Variants in UBE3C observed in about 807,000 individuals in gnomAD.
UBE3C encodes ubiquitin-protein ligase E3C.
Under a neutral mutation model 129.4 loss-of-function variants are expected in UBE3C, and 42 were observed. The ratio of observed to expected loss-of-function variants is 0.32; its 90% CI spans 0.25 to 0.42. UBE3C has a LOEUF of 0.42. Ranked by LOEUF, UBE3C falls within the 10% of genes least tolerant of loss-of-function variation. The pLI, the probability that UBE3C is intolerant of heterozygous loss-of-function variation, is 1.00. For synonymous variants in UBE3C, 510 were observed against 492.4 expected, an observed-to-expected ratio of 1.04 and a Z score of -0.47; for missense variants, 1,049 against 1,319.1, an observed-to-expected ratio of 0.80 and a Z score of 3.17.
intron 17 of UBE3C, among the ~76,000 whole-genome samples, chr7:157,229,567 T>C (rs1371847727): frequency 3.3e-5 from 5 of 152,212 alleles, no homozygotes; most frequent in Non-Finnish European, 7.3e-5. Flanking sequence ...CCCACCTGCC[T>C]TGGCCTCCCA....
At chr7:157,249,656 G>A (rs1796572435) in intron 19 of UBE3C, among the ~76,000 whole-genome samples, 1 of 152,112 alleles carries the variant, frequency 6.6e-6, no homozygotes, top group Non-Finnish European at 1.5e-5. Flanking sequence ...GTAGTTGCAT[G>A]GATCAGGACT....
chr7:157,224,136 A>G (rs911873496), intron 16 of UBE3C, among the ~76,000 whole-genome samples: 2 of 152,046 alleles, frequency 1.3e-5, no homozygotes, highest in Non-Finnish European at 2.9e-5. Flanking sequence ...GACCTGCTAA[A>G]GTGCTGGGAT....
intron 18 of UBE3C, among the ~76,000 whole-genome samples, chr7:157,234,483 G>T (rs913654051): frequency 2.4e-4 from 37 of 152,228 alleles, no homozygotes; most frequent in Admixed American, 6.5e-5. Context: ...GGGGTGTGTG[G>T]ATTTATTAAT....
At chr7:157,145,649 A>G (rs769921324) in intron 1 of UBE3C, among the ~76,000 whole-genome samples, 5 of 152,218 alleles carry the variant, frequency 3.3e-5, no homozygotes, top group Non-Finnish European at 7.3e-5. Context: ...TTGGAATCAT[A>G]TACTATGTAA....
At chr7:157,145,625 A>C (rs1189587963) in intron 1 of UBE3C, among the ~76,000 whole-genome samples, 1 of 152,240 alleles carries the variant, frequency 6.6e-6, no homozygotes, top group Non-Finnish European at 1.5e-5. Context: ...AGCCTTTTCC[A>C]GAATGTCATA....
At chr7:157,140,476 G>T (rs929533207) in intron 1 of UBE3C, among the ~76,000 whole-genome samples, 1 of 152,222 alleles carries the variant, frequency 6.6e-6, no homozygotes, top group Non-Finnish European at 1.5e-5. Flanking sequence ...GTACTGTGCA[G>T]TTAAGGGTGG....
intron 10 of UBE3C, among the ~76,000 whole-genome samples, chr7:157,195,715 T>C (rs1009723959): frequency 1.3e-5 from 2 of 152,126 alleles, no homozygotes; most frequent in African/African-American, 2.4e-5. Context: ...ATGGCTTTAG[T>C]GTGAGATTTG....
intron 1 of UBE3C, among the ~76,000 whole-genome samples, chr7:157,152,420 A>C (rs778330047): frequency 1.3e-5 from 2 of 152,206 alleles, no homozygotes; most frequent in Admixed American, 1.3e-4. Flanking sequence ...CAGGGAAATC[A>C]AGGGAGAAGC....
intron 1 of UBE3C, among the ~76,000 whole-genome samples, chr7:157,154,263 T>C (rs1253249004): frequency 6.6e-6 from 1 of 151,822 alleles, no homozygotes; most frequent in Non-Finnish European, 1.5e-5. Flanking sequence ...GAGGTTGCAG[T>C]GAGCCAAGAT....
intron 8 of UBE3C, 25 bp from the exon 9 acceptor site, chr7:157,183,853 C>T (rs781657429): frequency 7.5e-6 from 12 of 1,602,134 alleles, no homozygotes; most frequent in Middle Eastern, 1.7e-4. Context: ...AACTAAAATA[C>T]GTTTTAACTG....
At chr7:157,143,110 G>A (rs528713274) in intron 1 of UBE3C, among the ~76,000 whole-genome samples, 8 of 152,052 alleles carry the variant, frequency 5.3e-5, no homozygotes, top group Admixed American at 3.9e-4. Context: ...CAGGTGATCC[G>A]CCTGCCTCAG....
chr7:157,198,374 A>G lies in UBE3C; in HGVS notation c.1332-3347A>G, dbSNP rs181427156. 85 of 743,598 alleles carry G rather than the reference A, an allele frequency of 1.1e-4. No individual in the cohort carries two copies. The African/African-American group carries it at 1.4e-3, about 12-fold the overall frequency. 46.1% of individuals were successfully genotyped at this position (743,598 alleles called of 1,614,324 possible). ...TTCCAAGGCCAGTTTATTTCTTGAT[A>G]TGTCATCCCTTTGGCTGTTTTCAAG... is the stretch of plus-strand genomic sequence containing the variant. On this transcript the variant is annotated intron_variant, in intron 10 of 22. Coordinates refer to ENST00000348165, the MANE Select transcript of UBE3C (RefSeq NM_014671.3).
intron 1 of UBE3C, among the ~76,000 whole-genome samples, chr7:157,141,180 G>A (rs1004949029): frequency 2.0e-5 from 3 of 152,160 alleles, no homozygotes; most frequent in Non-Finnish European, 1.5e-5. Context: ...GTAGGAACTG[G>A]CAGCAGCTGG....
intron 18 of UBE3C, among the ~76,000 whole-genome samples, chr7:157,247,882 G>A (rs1182633104): frequency 6.6e-6 from 1 of 152,110 alleles, no homozygotes; most frequent in East Asian, 1.9e-4. Flanking sequence ...ACCCCATCCT[G>A]TGGGCACGGC....
intron 4 of UBE3C, among the ~76,000 whole-genome samples, chr7:157,174,471 A>G (rs1431913656): frequency 1.3e-5 from 2 of 152,132 alleles, no homozygotes; most frequent in Non-Finnish European, 2.9e-5. Context: ...TTTTGGAGAC[A>G]GGGTCTCTCT....
intron 1 of UBE3C, among the ~76,000 whole-genome samples, chr7:157,152,943 C>A (rs1278363390): frequency 6.6e-6 from 1 of 152,148 alleles, no homozygotes; most frequent in Non-Finnish European, 1.5e-5. Context: ...CGCCTGTAAT[C>A]CTAGCACTTT....
chr7:157,158,798 T>A (rs182919933), intron 1 of UBE3C, among the ~76,000 whole-genome samples: 4 of 152,342 alleles, frequency 2.6e-5, no homozygotes, highest in Admixed American at 2.6e-4. Context: ...GAAGAAATGC[T>A]TTAAAATCTA....
In UBE3C at chr7:157,220,740, A is replaced by C. The variant is rs751721397; in HGVS notation, c.1966A>C (p.Met656Leu). The C allele has an allele frequency of 3.8e-5, 62 of 1,614,004 alleles. No homozygotes were observed. The Middle Eastern group carries it at 4.9e-4, about 13-fold the overall frequency. Reference protein sequence around the residue: ...ASRHVWRFRRMGRIGPLQSTL... With the variant: ...ASRHVWRFRRLGRIGPLQSTL... ...CAGACATGTGTGGAGGTTCCGGCGG[A>C]TGGGGAGGATAGGCCCGCTGCAGTC... is the stretch of plus-strand genomic sequence containing the variant. Residue 656 changes from methionine to leucine, a missense_variant, in exon 15 of 23, where the codon ATG (methionine) becomes CTG (leucine). Physicochemically the swap from Met to Leu is conservative, Grantham distance 15 (BLOSUM62 2). This residue lies in a region of UBE3C where 314 missense variants were observed against 416.9 expected (regional missense o/e 0.75). Coordinates refer to ENST00000348165, the MANE Select transcript of UBE3C (RefSeq NM_014671.3).
Position 157,216,930 on chromosome 7 carries a change from A to G in UBE3C, c.1873A>G (p.Asn625Asp). 1.9e-6 allele frequency: 3 copies of G among 1,614,170 alleles called. No homozygotes were observed. In the Middle Eastern group the frequency reaches 5.0e-4, roughly 266 times the overall value. ...RDTRRNFCPP[N>D]HWLSEQEDIK... Reference sequence around the variant, plus strand: ...CACGAGGAGAAATTTTTGTCCTCCAAACCACTGGCTGTCAGAACAAGAAGA... The same window carrying G: ...CACGAGGAGAAATTTTTGTCCTCCAGACCACTGGCTGTCAGAACAAGAAGA... The change falls in exon 14 of 23, where the codon AAC becomes GAC. Residue 625 changes from asparagine (N) to aspartate (D), a missense_variant. This residue lies in a region of UBE3C where 314 missense variants were observed against 416.9 expected (regional missense o/e 0.75). Coordinates refer to ENST00000348165, the MANE Select transcript of UBE3C (RefSeq NM_014671.3).
Sources: allele counts gnomAD v4.1 joint callset (sites outside exome capture counted in the v4.1 genomes callset), GRCh38; gene constraint gnomAD v4.1.1; regional missense constraint gnomAD v4.1.1; transcripts MANE v1.5; gene names NCBI Gene and HGNC (gene_info 2026-07-23, HGNC 2026-07-21).